Variants in GAN observed in about 807,000 individuals in gnomAD.
GAN encodes the protein epididymis secretory sperm binding protein.
Under a neutral mutation model 71.3 loss-of-function variants are expected in GAN, and 48 were observed. That is an observed-to-expected ratio of 0.67 (90% confidence interval 0.53 to 0.86). The LOEUF (loss-of-function observed/expected upper bound fraction) is 0.86, where lower values mean the gene tolerates loss of function less well. GAN is among the 40% of genes least tolerant of loss of function. GAN has a pLI of 0.00. For synonymous variants in GAN, 386 were observed against 276.8 expected, an observed-to-expected ratio of 1.39 and a Z score of -3.92; for missense variants, 928 against 770.1, an observed-to-expected ratio of 1.21 and a Z score of -2.43.
In GAN at chr16:81,383,765, A is replaced by T. The variant is rs563366723; in HGVS notation, c.*6169A>T. The T allele has an allele frequency of 1.4e-4, 21 of 152,284 alleles. No individual in the cohort carries two copies. The highest frequency in any genetic ancestry group is 5.1e-4 in the African/African-American group (21 of 41,542). 9.4% of individuals were successfully genotyped at this position (152,284 alleles called of 1,614,324 possible). ...CAGGTGGAAAAGGATGGCAACACAC[A>T]GAGTCCGGGGGACACACGGCCTTAA... On this transcript the variant is annotated 3_prime_UTR_variant, in exon 11 of 11. Coordinates refer to ENST00000648994, the MANE Select transcript of GAN (RefSeq NM_022041.4).
rs1248852224 is a variant in GAN, at chr16:81,381,978, C to T, written c.*4382C>T. 1 of 152,124 alleles carries T rather than the reference C, an allele frequency of 6.6e-6. No homozygotes were observed. Among genetic ancestry groups the T allele is most frequent in the Non-Finnish European group, 1.5e-5 (1 of 68,042 alleles). The allele number at this position is 152,124 out of a possible 1,614,324, so 9.4% of individuals were successfully genotyped here. ...TGATGTACAGTCTTCTGATTGTACC[C>T]TCTATATGGGACTATGAGACCCTCT... On this transcript the variant is annotated 3_prime_UTR_variant, in exon 11 of 11. Transcript: ENST00000648994.
chr16:81,357,629 G>T (rs1910534737), intron 4 of GAN, among the ~76,000 whole-genome samples, 181 bp from the exon 5 acceptor site: 1 of 152,146 alleles, frequency 6.6e-6, no homozygotes, highest in South Asian at 2.1e-4. Flanking sequence ...CCCAGTAATG[G>T]GATGGCTGGG....
At chr16:81,364,877 TA>T (rs1910796926) in intron 7 of GAN, 96 bp from the exon 8 acceptor site, 1 of 1,229,452 alleles carries the variant, frequency 8.1e-7, no homozygotes, top group African/African-American at 1.5e-5. Context: ...AACCCCTTCC[TA>T]AATCTCTTTA....
chr16:81,343,217 C>A (rs1039399243), intron 1 of GAN, among the ~76,000 whole-genome samples: 1 of 152,202 alleles, frequency 6.6e-6, no homozygotes, highest in Non-Finnish European at 1.5e-5. Context: ...ACCATTCCTT[C>A]TGAAACTATT....
intron 3 of GAN, 134 bp from the exon 4 acceptor site, chr16:81,356,651 G>A (rs898875874): frequency 3.4e-5 from 26 of 761,290 alleles, no homozygotes; most frequent in East Asian, 2.0e-4. Flanking sequence ...CAAGCAGCAC[G>A]AGTGTGTCTC....
Position 81,378,563 on chromosome 16 carries a change from G to A in GAN, c.*967G>A, listed in dbSNP as rs12920236. On this transcript the variant is annotated 3_prime_UTR_variant, in exon 11 of 11. Transcript: ENST00000648994. ...GATCAGAAACTTTTTCATATAACCT[G>A]TCTGAAAGCACACAAAGTCTTGTTT... is the stretch of plus-strand genomic sequence containing the variant. 62,954 of 152,362 alleles carry A rather than the reference G, an allele frequency of 0.41. 14,280 individuals carry two copies. The highest frequency in any genetic ancestry group is 0.54 in the Middle Eastern group (160 of 294). 9.4% of individuals were successfully genotyped at this position (152,362 alleles called of 1,614,324 possible). A position where few individuals can be genotyped will look rare whatever the true frequency, so the allele number is the denominator to read the frequency against.
intron 1 of GAN, among the ~76,000 whole-genome samples, chr16:81,346,586 TG>T (rs1317102839): frequency 6.6e-6 from 1 of 152,258 alleles, no homozygotes; most frequent in Non-Finnish European, 1.5e-5. Flanking sequence ...CCTGATGATC[TG>T]AGGTGGAACA....
intron 1 of GAN, among the ~76,000 whole-genome samples, chr16:81,328,331 C>G (rs983367916): frequency 6.6e-6 from 1 of 152,200 alleles, no homozygotes; most frequent in Non-Finnish European, 1.5e-5. Context: ...CATTTCACAT[C>G]TCTCTCGTAT....
intron 1 of GAN, among the ~76,000 whole-genome samples, chr16:81,348,552 G>C (rs12927652): frequency 0.41 from 62,376 of 152,034 alleles, 13,461 homozygotes; most frequent in Middle Eastern, 0.54. Flanking sequence ...TACTGATGGT[G>C]TCAGTCTTCA....
In GAN at chr16:81,356,930, A is replaced by G; in HGVS notation, c.779A>G (p.Glu260Gly). The change falls in exon 4 of 11, where the codon GAG (glutamate) becomes GGG (glycine). Residue 260 changes from glutamate to glycine, a missense_variant. Glu to Gly is a moderately conservative substitution (Grantham distance 98, BLOSUM62 -2). Coordinates refer to ENST00000648994, the MANE Select transcript of GAN (RefSeq NM_022041.4). ...NIPLSQPQQG[E>G]AMLANFKPRG... ...CCGCTCAGCCAGCCGCAGCAAGGGG[A>G]GGCGATGCTGGCCAACTTCAAACCC... The G allele has an allele frequency of 6.2e-7, 1 of 1,613,756 alleles. No homozygotes were observed. The highest frequency in any genetic ancestry group is 8.5e-7 in the Non-Finnish European group (1 of 1,179,770).
chr16:81,371,044 G>A (rs1310823519), intron 9 of GAN, among the ~76,000 whole-genome samples: 2 of 152,198 alleles, frequency 1.3e-5, no homozygotes, highest in African/African-American at 4.8e-5. Flanking sequence ...GATGGTTTCT[G>A]TTGCTCTGTC....
chr16:81,334,690 A>G (rs1189239084), intron 1 of GAN, among the ~76,000 whole-genome samples: 1 of 152,182 alleles, frequency 6.6e-6, no homozygotes, highest in African/African-American at 2.4e-5. Context: ...ATGGAGAGAA[A>G]GTATCCCCTT....
At chr16:81,331,765 C>T (rs528504293) in intron 1 of GAN, among the ~76,000 whole-genome samples, 4 of 152,158 alleles carry the variant, frequency 2.6e-5, no homozygotes, top group Non-Finnish European at 5.9e-5. Context: ...AAATTTAAAA[C>T]GGTTTATTTG....
At position 81,381,325 on chromosome 16, in the gene GAN, G is replaced by A. The variant is rs1018155769; in HGVS notation, c.*3729G>A. 2.0e-4 allele frequency: 31 copies of A among 152,314 alleles called. No homozygotes were observed. The highest frequency in any genetic ancestry group is 7.5e-4 in the African/African-American group (31 of 41,564). The allele number at this position is 152,314 out of a possible 1,614,324, so 9.4% of individuals were successfully genotyped here. A position where few individuals can be genotyped will look rare whatever the true frequency, so the allele number is the denominator to read the frequency against. On this transcript the variant is annotated 3_prime_UTR_variant, in exon 11 of 11. Coordinates refer to ENST00000648994, the MANE Select transcript of GAN (RefSeq NM_022041.4). ...CAGTATCCCCTTCCAGAATGTTGGC[G>A]TTCATGATTCAAGAGGCCTCCCGTG... is the stretch of plus-strand genomic sequence containing the variant.
intron 1 of GAN, among the ~76,000 whole-genome samples, chr16:81,322,709 GT>G (rs1361244762): frequency 6.6e-6 from 1 of 152,184 alleles, no homozygotes; most frequent in Non-Finnish European, 1.5e-5. Flanking sequence ...TTGAAACATA[GT>G]TTTATGGTCC....
chr16:81,374,256 T>G (rs1904275280), intron 9 of GAN, among the ~76,000 whole-genome samples: 1 of 152,258 alleles, frequency 6.6e-6, no homozygotes, highest in African/African-American at 2.4e-5. Context: ...GCTGGTGACA[T>G]TAACCTTGAT....
chr16:81,368,023 T>G (rs927525290), intron 9 of GAN, among the ~76,000 whole-genome samples: 1 of 152,252 alleles, frequency 6.6e-6, no homozygotes, highest in East Asian at 1.9e-4. Context: ...CCATATTTGA[T>G]TGGAGACCAT....
rs1190125875 is a variant in GAN at position 81,385,848 on chromosome 16, C to G, written c.*8252C>G. On this transcript the variant is annotated 3_prime_UTR_variant, in exon 11 of 11. Transcript: ENST00000648994. ...GTGCAGTGGCGCCATCTCCCAGGCT[C>G]AAGGGATCCTCCTGCCTCGGCCTGC... 2 of 149,656 alleles carry G rather than the reference C, an allele frequency of 1.3e-5. No individual in the cohort carries two copies. Among genetic ancestry groups the G allele is most frequent in the African/African-American group, 4.9e-5 (2 of 40,550 alleles). 9.3% of individuals were successfully genotyped at this position (149,656 alleles called of 1,614,324 possible).
chr16:81,353,475 G>A (rs1910374127), intron 2 of GAN, among the ~76,000 whole-genome samples: 1 of 152,088 alleles, frequency 6.6e-6, no homozygotes, highest in African/African-American at 2.4e-5. Context: ...CCTACTTGTG[G>A]CTTACTCACC....
Sources: allele counts gnomAD v4.1 joint callset (sites outside exome capture counted in the v4.1 genomes callset), GRCh38; gene constraint gnomAD v4.1.1; transcripts MANE v1.5; gene names NCBI Gene and HGNC (gene_info 2026-07-23, HGNC 2026-07-21).